EGLN3: variants seen among roughly 807,000 people sequenced by gnomAD.
The protein encoded by EGLN3 is prolyl hydroxylase EGLN3.
EGLN3 carries 15 observed loss-of-function variants against 26.0 expected under a neutral mutation model. That is an observed-to-expected ratio of 0.58 (90% confidence interval 0.39 to 0.89). The LOEUF is 0.89. EGLN3 is among the 40% of genes least tolerant of loss of function. The pLI is 0.00. For synonymous variants in EGLN3, 147 were observed against 127.2 expected (o/e 1.16, Z -1.05); for missense variants, 238 against 311.6 (o/e 0.76, Z 1.78).
chr14:33,949,981 A>G (rs1351298574), intron 1 of EGLN3: 2 of 370,176 alleles, frequency 5.4e-6, no homozygotes, highest in Non-Finnish European at 9.7e-6. Flanking sequence ...TCTGACCACA[A>G]TGAAGGGCAG....
intron 3 of EGLN3, among the ~76,000 whole-genome samples, chr14:33,928,731 C>T (rs960363404): frequency 6.6e-6 from 1 of 151,826 alleles, no homozygotes; most frequent in Non-Finnish European, 1.5e-5. Flanking sequence ...TGACAGCCAA[C>T]ATTCTCTAGG....
rs201051686 is a variant in EGLN3, at chr14:33,950,644, C to T, written c.109G>A (p.Glu37Lys). ...GFCYLDNFLGEVVGDCVLERV... is the reference protein window; with the variant it reads ...GFCYLDNFLGKVVGDCVLERV... ...TCCAGGACGCAGTCGCCCACCACCT[C>T]GCCCAGGAAGTTGTCCAGGTAGCAG... The change falls in exon 1 of 5, where the codon GAG becomes AAG. Residue 37 changes from glutamate to lysine, a missense_variant. Transcript: ENST00000250457. The T allele has an allele frequency of 2.5e-6, 4 of 1,614,018 alleles. No individual in the cohort carries two copies. Among genetic ancestry groups the T allele is most frequent in the East Asian group, 4.5e-5 (2 of 44,862 alleles).
chr14:33,925,215 T>C lies in EGLN3; in HGVS notation c.*676A>G, dbSNP rs1286355558. On this transcript the variant is annotated 3_prime_UTR_variant, in exon 5 of 5. Coordinates refer to ENST00000250457, the MANE Select transcript of EGLN3 (RefSeq NM_022073.4). ...TAAGAACTGAAAATGGAGAAAAAATTGTGTTGCCATCTTTATTCAGAAAGT... is the reference window on the plus strand; with the variant it reads ...TAAGAACTGAAAATGGAGAAAAAATCGTGTTGCCATCTTTATTCAGAAAGT... 1 of 152,132 alleles carries C rather than the reference T, an allele frequency of 6.6e-6. No individual in the cohort carries two copies. Among genetic ancestry groups the C allele is most frequent in the African/African-American group, 2.4e-5 (1 of 41,408 alleles). The allele number at this position is 152,132 out of a possible 1,614,324, so 9.4% of individuals were successfully genotyped here. A position where few individuals can be genotyped will look rare whatever the true frequency, so the allele number is the denominator to read the frequency against.
chr14:33,926,539 T>C (rs1389277758), intron 4 of EGLN3, among the ~76,000 whole-genome samples: 1 of 152,192 alleles, frequency 6.6e-6, no homozygotes, highest in Non-Finnish European at 1.5e-5. Context: ...AGTGCTGTTA[T>C]ATTCAGTTTA....
intron 1 of EGLN3, among the ~76,000 whole-genome samples, chr14:33,941,319 C>T (rs963955501): frequency 1.8e-4 from 27 of 151,950 alleles, no homozygotes; most frequent in Non-Finnish European, 3.4e-4. Context: ...GTGGCCCTGG[C>T]GTCTCTGAGC....
At chr14:33,928,954 T>C in intron 3 of EGLN3, 122 bp downstream of exon 3, 1 of 1,225,252 alleles carries the variant, frequency 8.2e-7, no homozygotes, top group Non-Finnish European at 1.1e-6. Flanking sequence ...CCAAACAAGT[T>C]TGCTATCAGC....
rs1003008972 is a variant in EGLN3, at chr14:33,927,238, G to A, written c.615-205C>T. 2.4e-4 allele frequency among the ~76,000 whole-genome samples: 36 copies of A among 151,334 alleles called. 2 individuals are homozygous for A. The highest frequency in any genetic ancestry group is 9.9e-4 in the Admixed American group (15 of 15,204). ...TGTTGCCAGGCAGAGGCGTGATCTC[G>A]GCTCACTGCAACCTCCACTTCCCAG... On this transcript the variant is annotated intron_variant, in intron 3 of 4. Transcript: ENST00000250457.
rs2064345696 is a variant in EGLN3 at position 33,924,273 on chromosome 14, A to G, written c.*1618T>C. Reference sequence around the variant, plus strand: ...AACAAGTATTTACTGAGCCCTTACTATGTTCCCGGCACTATTTTAGGTGCT... The same window carrying G: ...AACAAGTATTTACTGAGCCCTTACTGTGTTCCCGGCACTATTTTAGGTGCT... On this transcript the variant is annotated 3_prime_UTR_variant, in exon 5 of 5. Coordinates refer to ENST00000250457, the MANE Select transcript of EGLN3 (RefSeq NM_022073.4). The G allele has an allele frequency of 6.6e-6, 1 of 152,206 alleles. No individual in the cohort carries two copies. Among genetic ancestry groups the G allele is most frequent in the Non-Finnish European group, 1.5e-5 (1 of 68,032 alleles). The allele number at this position is 152,206 out of a possible 1,614,324, so 9.4% of individuals were successfully genotyped here.
At chr14:33,931,987 A>G (rs565353574) in intron 1 of EGLN3, among the ~76,000 whole-genome samples, 1 of 152,270 alleles carries the variant, frequency 6.6e-6, no homozygotes, top group Non-Finnish European at 1.5e-5. Flanking sequence ...TTACCATTAG[A>G]GTAAACAGAC....
intron 3 of EGLN3, among the ~76,000 whole-genome samples, chr14:33,927,886 C>T (rs954688274): frequency 2.0e-5 from 3 of 152,168 alleles, no homozygotes; most frequent in Admixed American, 1.3e-4. Context: ...CTTTCTACTG[C>T]ATCCCCACTA....
At position 33,925,861 on chromosome 14, in the gene EGLN3, T is replaced by C; in HGVS notation, c.*30A>G. The C allele has an allele frequency of 1.2e-6, 2 of 1,613,544 alleles. No homozygotes were observed. Among genetic ancestry groups the C allele is most frequent in the South Asian group, 1.1e-5 (1 of 91,014 alleles). On this transcript the variant is annotated 3_prime_UTR_variant, in exon 5 of 5. Coordinates refer to ENST00000250457, the MANE Select transcript of EGLN3 (RefSeq NM_022073.4). ...GAGAATTCAGGAACCGTTACTAAAATGAACAAGGCCAGCAGATTTCAGAGC... is the reference window on the plus strand; with the variant it reads ...GAGAATTCAGGAACCGTTACTAAAACGAACAAGGCCAGCAGATTTCAGAGC...
At chr14:33,938,843 C>G (rs1399275770) in intron 1 of EGLN3, among the ~76,000 whole-genome samples, 1 of 152,180 alleles carries the variant, frequency 6.6e-6, no homozygotes, top group African/African-American at 2.4e-5. Flanking sequence ...CACACCGCTC[C>G]AAGTCCTTGG....
At chr14:33,933,031 GA>G (rs1051265535) in intron 1 of EGLN3, among the ~76,000 whole-genome samples, 2 of 152,062 alleles carry the variant, frequency 1.3e-5, no homozygotes, top group African/African-American at 4.8e-5. Context: ...GAGTGTGTCT[GA>G]AAAGAAAAAG....
In EGLN3 at chr14:33,951,050, C is replaced by G. The variant is rs1001007660; in HGVS notation, c.-298G>C. ...GAGGGCGCCTTTTGGGGATGGGAAG[C>G]CACCACTGCCGCGACTGCGGCCAGA... On this transcript the variant is annotated 5_prime_UTR_variant, in exon 1 of 5. Transcript: ENST00000250457. 1 of 363,358 alleles carries G rather than the reference C, an allele frequency of 2.8e-6. No homozygotes were observed. Among genetic ancestry groups the G allele is most frequent in the African/African-American group, 2.1e-5 (1 of 47,866 alleles). 22.5% of individuals were successfully genotyped at this position (363,358 alleles called of 1,614,324 possible). A position where few individuals can be genotyped will look rare whatever the true frequency, so the allele number is the denominator to read the frequency against.
intron 2 of EGLN3, among the ~76,000 whole-genome samples, 190 bp from the exon 3 acceptor site, chr14:33,929,402 G>T (rs1056447870): frequency 3.9e-5 from 6 of 152,200 alleles, no homozygotes; most frequent in African/African-American, 1.4e-4. Context: ...GCCCAGGCTG[G>T]AGTGCAATGG....
chr14:33,931,373 G>C (rs962105288), intron 1 of EGLN3, 158 bp from the exon 2 acceptor site: 10 of 1,116,554 alleles, frequency 9.0e-6, no homozygotes, highest in African/African-American at 3.1e-5. Context: ...CATAAATTTG[G>C]ACTCTTCTGT....
chr14:33,931,957 A>G (rs1211080729), intron 1 of EGLN3, among the ~76,000 whole-genome samples: 1 of 152,246 alleles, frequency 6.6e-6, no homozygotes, highest in Non-Finnish European at 1.5e-5. Flanking sequence ...AGAAAACCGT[A>G]CCAAAAATCC....
chr14:33,929,341 T>G, intron 2 of EGLN3, 129 bp from the exon 3 acceptor site: 1 of 1,144,136 alleles, frequency 8.7e-7, no homozygotes, highest in Non-Finnish European at 1.2e-6. Context: ...CCCAGATTTT[T>G]ACTTCAACCT....
chr14:33,932,874 TAA>T (rs950589610), intron 1 of EGLN3, among the ~76,000 whole-genome samples: 5 of 151,880 alleles, frequency 3.3e-5, no homozygotes, highest in African/African-American at 9.7e-5. Context: ...AAGAGACAAA[TAA>T]AGTCACCTAT....
Sources: allele counts gnomAD v4.1 joint callset (sites outside exome capture counted in the v4.1 genomes callset), GRCh38; gene constraint gnomAD v4.1.1; transcripts MANE v1.5; gene names NCBI Gene and HGNC (gene_info 2026-07-23, HGNC 2026-07-21).